The following ZDHHC14 variants were observed in gnomAD, a reference collection of about 807,000 sequenced individuals.
ZDHHC14 encodes palmitoyltransferase ZDHHC14.
ZDHHC14 carries 16 observed loss-of-function variants against 47.7 expected under a neutral mutation model. The ratio of observed to expected loss-of-function variants is 0.34; its 90% confidence interval spans 0.23 to 0.51. ZDHHC14 has a LOEUF of 0.51. Ranked by LOEUF, ZDHHC14 falls within the 20% of genes least tolerant of loss-of-function variation. The pLI is 0.97. For missense variants in ZDHHC14, 515 were observed against 662.5 expected (o/e 0.78, Z 2.44); for synonymous variants, 293 against 278.9 (o/e 1.05, Z -0.50).
At chr6:157,593,691 A>G (rs1784008102) in intron 3 of ZDHHC14, among the ~76,000 whole-genome samples, 1 of 152,264 alleles carries the variant, frequency 6.6e-6, no homozygotes, top group Non-Finnish European at 1.5e-5. Context: ...AAACAGGCAG[A>G]GGGAACTGAG....
chr6:157,487,170 G>C (rs561526106), intron 1 of ZDHHC14, among the ~76,000 whole-genome samples: 2 of 152,206 alleles, frequency 1.3e-5, no homozygotes, highest in South Asian at 2.1e-4. Context: ...CTTTGACCCC[G>C]GCCCTGGCCA....
At chr6:157,417,456 T>G (rs1424560110) in intron 1 of ZDHHC14, among the ~76,000 whole-genome samples, 1 of 152,238 alleles carries the variant, frequency 6.6e-6, no homozygotes, top group Non-Finnish European at 1.5e-5. Flanking sequence ...TTTTAAGAGC[T>G]GCTTAGCATT....
intron 2 of ZDHHC14, among the ~76,000 whole-genome samples, chr6:157,556,379 T>G (rs956388788): frequency 6.6e-6 from 1 of 152,170 alleles, no homozygotes; most frequent in African/African-American, 2.4e-5. Flanking sequence ...GAGGCTACTG[T>G]GATTCCCACT....
chr6:157,505,951 G>C (rs1355807186), intron 1 of ZDHHC14, among the ~76,000 whole-genome samples: 1 of 152,144 alleles, frequency 6.6e-6, no homozygotes, highest in African/African-American at 2.4e-5. Context: ...ATGAGATCAG[G>C]GCCTGTTTGG....
intron 2 of ZDHHC14, among the ~76,000 whole-genome samples, chr6:157,552,607 G>A (rs1782279695): frequency 1.3e-5 from 2 of 152,288 alleles, no homozygotes; most frequent in Admixed American, 1.3e-4. Flanking sequence ...AGGCAAGGAG[G>A]TGTGGCGGGA....
intron 1 of ZDHHC14, among the ~76,000 whole-genome samples, chr6:157,454,612 C>T (rs1299981486): frequency 6.6e-6 from 1 of 151,740 alleles, no homozygotes; most frequent in East Asian, 1.9e-4. Context: ...GTGATTCTCC[C>T]ACCGCCTCAG....
intron 2 of ZDHHC14, among the ~76,000 whole-genome samples, chr6:157,545,156 T>G (rs757513297): frequency 2.6e-4 from 40 of 152,178 alleles, no homozygotes; most frequent in Non-Finnish European, 5.7e-4. Context: ...AGCACAAATC[T>G]TTACAGACAG....
intron 1 of ZDHHC14, among the ~76,000 whole-genome samples, chr6:157,522,492 T>C (rs529270424): frequency 2.7e-4 from 41 of 152,022 alleles, no homozygotes; most frequent in Admixed American, 4.6e-4. Context: ...GTCCCTGTTG[T>C]TTTTTTCCCT....
intron 8 of ZDHHC14, among the ~76,000 whole-genome samples, chr6:157,654,741 T>C (rs1778006364): frequency 1.3e-5 from 1 of 78,174 alleles, no homozygotes; most frequent in Non-Finnish European, 2.3e-5. Context: ...TTTCTCTCTC[T>C]TTTTTTTTTT....
At chr6:157,637,152 A>T (rs1777027203) in intron 5 of ZDHHC14, among the ~76,000 whole-genome samples, 1 of 152,212 alleles carries the variant, frequency 6.6e-6, no homozygotes, top group Non-Finnish European at 1.5e-5. Flanking sequence ...TCCCATCAGC[A>T]CATCTGTTGG....
rs1777232081 is a variant in ZDHHC14 at position 157,382,379 on chromosome 6, T to C, written c.245+113T>C. On this transcript the variant is annotated intron_variant, in intron 1 of 8. Transcript: ENST00000359775. ...AAGTCTTATCTACTGTAAATTGTTA[T>C]ATAATGCCAGTCTGCGCTCCCTCTT... 5.5e-6 allele frequency: 7 copies of C among 1,277,128 alleles called. No homozygotes were observed. The South Asian group carries it at 9.5e-5, about 17-fold the overall frequency. 79.1% of individuals were successfully genotyped at this position (1,277,128 alleles called of 1,614,324 possible).
At chr6:157,437,648 C>G (rs1365198383) in intron 1 of ZDHHC14, among the ~76,000 whole-genome samples, 1 of 152,188 alleles carries the variant, frequency 6.6e-6, no homozygotes, top group African/African-American at 2.4e-5. Flanking sequence ...ACTCGTAAAA[C>G]GACCTTTCCT....
At chr6:157,473,274 G>C (rs1449096332) in intron 1 of ZDHHC14, among the ~76,000 whole-genome samples, 4 of 152,124 alleles carry the variant, frequency 2.6e-5, no homozygotes, top group Admixed American at 1.3e-4. Flanking sequence ...TGTTCCTCCT[G>C]TTTGACTGGA....
At chr6:157,444,177 T>G (rs1778614878) in intron 1 of ZDHHC14, among the ~76,000 whole-genome samples, 1 of 152,232 alleles carries the variant, frequency 6.6e-6, no homozygotes, top group Admixed American at 6.5e-5. Flanking sequence ...TTATACAGCC[T>G]TCTGCAATAT....
At chr6:157,599,039 T>G (rs1051944808) in intron 3 of ZDHHC14, among the ~76,000 whole-genome samples, 4 of 152,242 alleles carry the variant, frequency 2.6e-5, no homozygotes, top group African/African-American at 9.6e-5. Context: ...TTAAAGAGGC[T>G]TTTCATAAAT....
chr6:157,591,720 G>C (rs974228413), intron 2 of ZDHHC14, among the ~76,000 whole-genome samples: 1 of 152,218 alleles, frequency 6.6e-6, no homozygotes, highest in Non-Finnish European at 1.5e-5. Context: ...TGCCCAGGAT[G>C]AGTTGGTGTG....
intron 3 of ZDHHC14, among the ~76,000 whole-genome samples, chr6:157,607,367 A>G (rs1682875613): frequency 6.6e-6 from 1 of 152,214 alleles, no homozygotes; most frequent in South Asian, 2.1e-4. Context: ...TCTTTCAAGA[A>G]TGCCGCATTT....
chr6:157,417,193 A>G (rs1173662969), intron 1 of ZDHHC14, among the ~76,000 whole-genome samples: 1 of 151,752 alleles, frequency 6.6e-6, no homozygotes, highest in African/African-American at 2.4e-5. Flanking sequence ...GTGCTCGTTA[A>G]TCCTGTTGCC....
At chr6:157,633,995 T>G (rs914944216) in intron 5 of ZDHHC14, among the ~76,000 whole-genome samples, 38 of 152,192 alleles carry the variant, frequency 2.5e-4, no homozygotes, top group African/African-American at 8.2e-4. Context: ...ATATGACTTA[T>G]GTATGTATCA....
Sources: allele counts gnomAD v4.1 joint callset (sites outside exome capture counted in the v4.1 genomes callset), GRCh38; gene constraint gnomAD v4.1.1; transcripts MANE v1.5; gene names NCBI Gene and HGNC (gene_info 2026-07-23, HGNC 2026-07-21).